CDH18: variants seen among roughly 807,000 people sequenced by gnomAD.
The protein encoded by CDH18 is cadherin 18.
In CDH18, 31 loss-of-function variants were observed where a neutral mutation model predicts 67.9. That is an observed-to-expected ratio of 0.46 (90% confidence interval 0.34 to 0.62). CDH18 has a LOEUF of 0.62. Among genes scored for constraint, CDH18 ranks in the 20% least tolerant of loss-of-function variants. The probability of loss-of-function intolerance (pLI) is 0.01; values close to 1 mark genes in which losing one functional copy is unlikely to be tolerated. For synonymous variants in CDH18, 362 were observed against 347.2 expected (o/e 1.04, Z -0.48); for missense variants, 890 against 975.5 (o/e 0.91, Z 1.17).
intron 1 of CDH18, among the ~76,000 whole-genome samples, chr5:20,562,491 A>T (rs1462058653): frequency 6.6e-6 from 1 of 151,764 alleles, no homozygotes; most frequent in Non-Finnish European, 1.5e-5. Flanking sequence ...GCCAAAAATT[A>T]ATTGATCTGA....
At chr5:20,480,261 T>C (rs954777525) in intron 1 of CDH18, among the ~76,000 whole-genome samples, 1 of 152,212 alleles carries the variant, frequency 6.6e-6, no homozygotes, top group African/African-American at 2.4e-5. Flanking sequence ...GAAAATGTGG[T>C]ATGTAAATTA....
rs1786729839 is a variant in CDH18, at chr5:19,874,618, G to A, written c.-256-35376C>T. Among the ~76,000 whole-genome samples, 5 of 152,056 alleles carry A rather than the reference G, an allele frequency of 3.3e-5. No individual in the cohort carries two copies. The South Asian group carries it at 1.0e-3, about 32-fold the overall frequency. On this transcript the variant is annotated intron_variant, in intron 2 of 12. Transcript: ENST00000382275. ...AATTTAGATTTGTTCCTTATTAGTA[G>A]AAAATGACTTTAATACATTTTAGAA...
At position 19,844,107 on chromosome 5, in the gene CDH18, A is replaced by C. The variant is rs191758754; in HGVS notation, c.-256-4865T>G. 9.2e-5 allele frequency among the ~76,000 whole-genome samples: 14 copies of C among 152,280 alleles called. No individual in the cohort carries two copies. The East Asian group carries it at 2.7e-3, about 29-fold the overall frequency. ...GACTTTGGACTTGGACATTTGAGTT[A>C]ATTCTGGGAAGAATTAAGATTTTTC... On this transcript the variant is annotated intron_variant, in intron 2 of 12. Coordinates refer to ENST00000382275, the MANE Select transcript of CDH18 (RefSeq NM_004934.5).
chr5:20,170,389 G>T (rs932552558), intron 2 of CDH18, among the ~76,000 whole-genome samples: 19 of 152,074 alleles, frequency 1.2e-4, no homozygotes, highest in Middle Eastern at 6.8e-3. Context: ...GTATTTCATG[G>T]TGTATATGTA....
chr5:20,526,550 G>A (rs909517925), intron 1 of CDH18, among the ~76,000 whole-genome samples: 85 of 152,170 alleles, frequency 5.6e-4, no homozygotes, highest in African/African-American at 1.8e-3. Context: ...CGAAGCTTCC[G>A]GAGGAAGGAG....
At chr5:19,570,565 A>G (rs1169689113) in intron 8 of CDH18, among the ~76,000 whole-genome samples, 4 of 152,154 alleles carry the variant, frequency 2.6e-5, no homozygotes, top group Non-Finnish European at 2.9e-5. Flanking sequence ...TTGTTAAGTG[A>G]ATGAAAACCA....
intron 1 of CDH18, among the ~76,000 whole-genome samples, chr5:20,528,775 T>G (rs2202791): frequency 6.6e-6 from 1 of 151,604 alleles, no homozygotes; most frequent in South Asian, 2.1e-4. Context: ...GCACTAAATG[T>G]CCACATGAAA....
chr5:19,762,595 A>C (rs536296696), intron 3 of CDH18, among the ~76,000 whole-genome samples: 107 of 152,238 alleles, frequency 7.0e-4, no homozygotes, highest in African/African-American at 2.5e-3. Flanking sequence ...AAGTCAGGAA[A>C]TAACAGGTGT....
intron 3 of CDH18, among the ~76,000 whole-genome samples, chr5:19,822,072 G>A (rs1779932135): frequency 6.6e-6 from 1 of 152,006 alleles, no homozygotes; most frequent in African/African-American, 2.4e-5. Flanking sequence ...AATATAAACA[G>A]CTAACAACAT....
At chr5:20,021,724 G>T (rs1256963988) in intron 2 of CDH18, among the ~76,000 whole-genome samples, 1 of 152,156 alleles carries the variant, frequency 6.6e-6, no homozygotes, top group African/African-American at 2.4e-5. Flanking sequence ...TGTACAGCCT[G>T]TGAAACTGTG....
At chr5:20,422,670 TA>T (rs1474132847) in intron 1 of CDH18, among the ~76,000 whole-genome samples, 1 of 151,148 alleles carries the variant, frequency 6.6e-6, no homozygotes, top group Non-Finnish European at 1.5e-5. Flanking sequence ...AAACTTATGC[TA>T]AAGTTTAATG....
At chr5:20,450,201 G>C (rs1338612051) in intron 1 of CDH18, among the ~76,000 whole-genome samples, 3 of 152,058 alleles carry the variant, frequency 2.0e-5, no homozygotes, top group Non-Finnish European at 4.4e-5. Flanking sequence ...AAAAAAATTA[G>C]CCAGACGTGG....
At chr5:20,527,082 T>G (rs1730303272) in intron 1 of CDH18, among the ~76,000 whole-genome samples, 1 of 151,990 alleles carries the variant, frequency 6.6e-6, no homozygotes, top group Non-Finnish European at 1.5e-5. Flanking sequence ...CTGATAGAGC[T>G]GAGAAACAGA....
At chr5:20,296,163 C>T (rs1403617572) in intron 1 of CDH18, among the ~76,000 whole-genome samples, 9 of 151,434 alleles carry the variant, frequency 5.9e-5, no homozygotes, top group Non-Finnish European at 1.2e-4. Context: ...TGTCAGCCAT[C>T]GCGCCTGGCC....
chr5:20,524,408 T>A (rs1259598162), intron 1 of CDH18, among the ~76,000 whole-genome samples: 1 of 152,228 alleles, frequency 6.6e-6, no homozygotes, highest in African/African-American at 2.4e-5. Context: ...CAATTTGTTA[T>A]GGACATTATG....
At chr5:20,565,525 A>G (rs78531345) in intron 1 of CDH18, among the ~76,000 whole-genome samples, 3,817 of 152,098 alleles carry the variant, frequency 0.025, 166 homozygotes, top group African/African-American at 0.087. Flanking sequence ...GACATCTCCC[A>G]CCATCACAAC....
intron 5 of CDH18, among the ~76,000 whole-genome samples, chr5:19,671,759 T>C (rs1034147630): frequency 6.6e-6 from 1 of 152,136 alleles, no homozygotes; most frequent in South Asian, 2.1e-4. Flanking sequence ...AGAAAAGTCA[T>C]GTGTACAATG....
intron 1 of CDH18, among the ~76,000 whole-genome samples, chr5:20,546,926 A>C (rs1356709909): frequency 6.6e-6 from 1 of 152,178 alleles, no homozygotes; most frequent in African/African-American, 2.4e-5. Flanking sequence ...AACCACTAGA[A>C]GTCAAGTGAT....
rs532193960 is a variant in CDH18 at position 19,690,258 on chromosome 5, G to A, written c.643+31089C>T. ...TTTTAATCCTATTTTTGAAACAAAT[G>A]AAAATGAAAAAACAACACACCAAAA... On this transcript the variant is annotated intron_variant, in intron 5 of 12. Transcript: ENST00000382275. Among the ~76,000 whole-genome samples the A allele has an allele frequency of 3.9e-3, 588 of 151,286 alleles. 2 individuals carry two copies. The highest frequency in any genetic ancestry group is 0.014 in the African/African-American group (570 of 41,444).
Sources: allele counts gnomAD v4.1 joint callset (sites outside exome capture counted in the v4.1 genomes callset), GRCh38; gene constraint gnomAD v4.1.1; transcripts MANE v1.5; gene names NCBI Gene and HGNC (gene_info 2026-07-23, HGNC 2026-07-21).